SLC37A1: variants seen among roughly 807,000 people sequenced by gnomAD.
The protein encoded by SLC37A1 is solute carrier family 37 member 1.
A neutral mutation model predicts 75.3 loss-of-function variants in SLC37A1; 49 were observed. The observed-to-expected ratio is 0.65, with a 90% CI of 0.52 to 0.83. SLC37A1 has a LOEUF of 0.83. Ranked by LOEUF, SLC37A1 falls within the 40% of genes least tolerant of loss-of-function variation. SLC37A1 has a pLI of 0.00. For missense variants in SLC37A1, 566 were observed against 695.0 expected, an observed-to-expected ratio of 0.81 and a Z score of 2.09; for synonymous variants, 268 against 292.1, an observed-to-expected ratio of 0.92 and a Z score of 0.84.
intron 11 of SLC37A1, among the ~76,000 whole-genome samples, chr21:42,559,952 A>T (rs1461126500): frequency 6.6e-6 from 1 of 151,494 alleles, no homozygotes; most frequent in Admixed American, 6.6e-5. Context: ...TGAGCAGAGG[A>T]TGCCAAGAGT....
At chr21:42,579,508 T>TTCATCAAACAGCCCTGCCC (rs2056371997) in intron 18 of SLC37A1, among the ~76,000 whole-genome samples, 1 of 126,178 alleles carries the variant, frequency 7.9e-6, no homozygotes, top group African/African-American at 3.1e-5. Context: ...TTCGTGGGCC[T>TTCATCAAACAGCCCTGCCC]TCATCAGACA....
chr21:42,517,381 C>G (rs1254905493), intron 1 of SLC37A1, among the ~76,000 whole-genome samples: 2 of 152,198 alleles, frequency 1.3e-5, no homozygotes, highest in Admixed American at 1.3e-4. Context: ...AGGTGTAGTT[C>G]TGGCTGGAGC....
chr21:42,542,881 G>A (rs914351915), intron 7 of SLC37A1, among the ~76,000 whole-genome samples: 5 of 152,268 alleles, frequency 3.3e-5, no homozygotes, highest in East Asian at 1.9e-4. Flanking sequence ...CCAGCCTGGC[G>A]AGTCCAGATT....
chr21:42,519,641 C>T (rs1470894611), intron 2 of SLC37A1, among the ~76,000 whole-genome samples: 1 of 152,206 alleles, frequency 6.6e-6, no homozygotes, highest in Non-Finnish European at 1.5e-5. Flanking sequence ...CAGCCCCCAG[C>T]CCTGTGCAGC....
At chr21:42,564,262 G>A (rs9967993) in intron 13 of SLC37A1, among the ~76,000 whole-genome samples, 2,710 of 149,604 alleles carry the variant, frequency 0.018, 48 homozygotes, top group Non-Finnish European at 0.026. Context: ...GTGGTGGCTC[G>A]AGCCTGTGGT....
At chr21:42,578,636 G>A (rs911953075) in intron 18 of SLC37A1, among the ~76,000 whole-genome samples, 8 of 152,114 alleles carry the variant, frequency 5.3e-5, no homozygotes, top group Non-Finnish European at 1.0e-4. Context: ...ACTATTGTTC[G>A]TACCTGCCGT....
At chr21:42,503,564 A>G (rs2054359781) in intron 2 of SLC37A1, among the ~76,000 whole-genome samples, 1 of 152,130 alleles carries the variant, frequency 6.6e-6, no homozygotes, top group South Asian at 2.1e-4. Flanking sequence ...TTTGTTTTTA[A>G]GAAAACAATG....
Position 42,514,298 on chromosome 21 carries a change from A to G in SLC37A1, c.-598A>G, listed in dbSNP as rs903962902. Reference sequence around the variant, plus strand: ...CAGAGGGAGCGGGCACGGGGCCGGCAGCCGCTCCACGGAGTCCCCGGCAGG... The same window carrying G: ...CAGAGGGAGCGGGCACGGGGCCGGCGGCCGCTCCACGGAGTCCCCGGCAGG... On this transcript the variant is annotated 5_prime_UTR_variant, in exon 1 of 20. Transcript: ENST00000352133. This position sits in a 1 kb window ranked among gnomAD's most constrained non-coding sequence, Gnocchi z 4.8. 8.0e-4 allele frequency: 122 copies of G among 152,186 alleles called. No individual in the cohort carries two copies. The highest frequency in any genetic ancestry group is 2.7e-3 in the African/African-American group (113 of 41,536). 9.4% of individuals were successfully genotyped at this position (152,186 alleles called of 1,614,324 possible).
chr21:42,570,650 G>A (rs1001581539), intron 17 of SLC37A1, among the ~76,000 whole-genome samples: 7 of 152,178 alleles, frequency 4.6e-5, no homozygotes, highest in South Asian at 2.1e-4. Context: ...CTAACTTGGC[G>A]CTCTACTGGC....
At chr21:42,536,233 A>G (rs2055134847) in intron 5 of SLC37A1, among the ~76,000 whole-genome samples, 1 of 152,046 alleles carries the variant, frequency 6.6e-6, no homozygotes, top group Non-Finnish European at 1.5e-5. Flanking sequence ...AAGTTACTAT[A>G]CCTCTTTGGG....
chr21:42,541,007 T>G (rs1257301035), intron 6 of SLC37A1, among the ~76,000 whole-genome samples: 1 of 152,184 alleles, frequency 6.6e-6, no homozygotes, highest in Non-Finnish European at 1.5e-5. Context: ...CCAACCTTTT[T>G]GGCACCAGGG....
chr21:42,543,606 A>C lies in SLC37A1; in HGVS notation c.730+4A>C. On this transcript the variant is annotated splice_donor_region_variant and intron_variant, in intron 8 of 19. Coordinates refer to ENST00000352133, the MANE Select transcript of SLC37A1 (RefSeq NM_001320537.2). Reference sequence around the variant, plus strand: ...TGCTTTCTCTTCCTCATTGAACGTAAGTGCACGTGGCCTTGGAGACCACCC... The same window carrying C: ...TGCTTTCTCTTCCTCATTGAACGTACGTGCACGTGGCCTTGGAGACCACCC... The C allele has an allele frequency of 1.3e-6, 2 of 1,591,480 alleles. No individual in the cohort carries two copies. The highest frequency in any genetic ancestry group is 1.7e-6 in the Non-Finnish European group (2 of 1,167,162).
chr21:42,569,713 G>A (rs1440827951), intron 17 of SLC37A1, among the ~76,000 whole-genome samples: 1 of 152,260 alleles, frequency 6.6e-6, no homozygotes, highest in African/African-American at 2.4e-5. Flanking sequence ...GTGGGATTCG[G>A]TGCACTCCTC....
intron 2 of SLC37A1, among the ~76,000 whole-genome samples, chr21:42,521,167 T>G (rs1312298126): frequency 1.3e-5 from 2 of 152,050 alleles, no homozygotes; most frequent in African/African-American, 4.8e-5. Context: ...TCCCAGAAAT[T>G]CCATATTCAT....
intron 13 of SLC37A1, 67 bp downstream of exon 13, chr21:42,563,944 T>TA (rs1475970880): frequency 9.0e-6 from 14 of 1,556,924 alleles, no homozygotes; most frequent in Non-Finnish European, 2.7e-6. Context: ...CTGAGTTGAT[T>TA]CACTGCTCAG....
chr21:42,570,514 G>T (rs2056131212), intron 17 of SLC37A1, among the ~76,000 whole-genome samples: 1 of 152,296 alleles, frequency 6.6e-6, no homozygotes, highest in Non-Finnish European at 1.5e-5. Context: ...AGGAAGTCGG[G>T]GGACTGCGGG....
chr21:42,519,820 T>C (rs1379752555), intron 2 of SLC37A1, among the ~76,000 whole-genome samples: 1 of 152,238 alleles, frequency 6.6e-6, no homozygotes, highest in Admixed American at 6.5e-5. Context: ...ATGTCTAGCT[T>C]CTTCATTTTG....
At chr21:42,563,568 G>A (rs1008680095) in intron 12 of SLC37A1, among the ~76,000 whole-genome samples, 2 of 152,224 alleles carry the variant, frequency 1.3e-5, no homozygotes, top group Non-Finnish European at 1.5e-5. Context: ...GGCCCCTGGG[G>A]GGGTCTCTGA....
intron 14 of SLC37A1, among the ~76,000 whole-genome samples, chr21:42,565,233 G>A (rs73375827): frequency 0.034 from 5,172 of 152,356 alleles, 273 homozygotes; most frequent in African/African-American, 0.11. Flanking sequence ...AAAATGGGAC[G>A]TCAGTATCAC....
Sources: gnomAD v4.1 joint callset for allele counts (sites outside exome capture counted in the v4.1 genomes callset) on GRCh38, gnomAD v4.1.1 for gene constraint, Gnocchi (gnomAD v3.1) non-coding constraint, MANE v1.5 for transcripts, NCBI Gene and HGNC (gene_info 2026-07-23, HGNC 2026-07-21) for gene names.